Variants in GRIK4 observed in about 807,000 individuals in gnomAD.
GRIK4 encodes glutamate receptor ionotropic, kainate 4.
In GRIK4, 40 loss-of-function variants were observed where a neutral mutation model predicts 104.9. The observed-to-expected ratio is 0.38, with a 90% CI of 0.30 to 0.50. The LOEUF (loss-of-function observed/expected upper bound fraction) is 0.50. Ranked by LOEUF, GRIK4 falls within the 20% of genes least tolerant of loss-of-function variation. GRIK4 has a pLI of 0.93. For synonymous variants in GRIK4, 485 were observed against 524.9 expected (o/e 0.92, Z 1.04); for missense variants, 1,047 against 1,308.1 (o/e 0.80, Z 3.08).
At chr11:120,926,581 T>C (rs906321041) in intron 13 of GRIK4, among the ~76,000 whole-genome samples, 1 of 152,224 alleles carries the variant, frequency 6.6e-6, no homozygotes, top group African/African-American at 2.4e-5. Flanking sequence ...GAGCTGGCCC[T>C]AGAGGGTGTA....
intron 8 of GRIK4, among the ~76,000 whole-genome samples, chr11:120,854,318 G>GGGGGTTAACAGT (rs1459561251): frequency 6.6e-6 from 1 of 152,194 alleles, no homozygotes; most frequent in Non-Finnish European, 1.5e-5. Flanking sequence ...CCACTGTTAA[G>GGGGGTTAACAGT]GGGGTTAAGG....
chr11:120,674,963 C>A (rs906571751), intron 3 of GRIK4, among the ~76,000 whole-genome samples: 1 of 152,204 alleles, frequency 6.6e-6, no homozygotes, highest in African/African-American at 2.4e-5. Context: ...TTTCCTTGCA[C>A]CTCCTGGAGC....
At chr11:120,533,108 C>T (rs905642328) in intron 1 of GRIK4, among the ~76,000 whole-genome samples, 2 of 152,238 alleles carry the variant, frequency 1.3e-5, no homozygotes, top group African/African-American at 4.8e-5. Context: ...GCATGGAAGG[C>T]TTCCTGGAGG....
At chr11:120,906,640 C>A (rs959335362) in intron 13 of GRIK4, among the ~76,000 whole-genome samples, 1 of 152,194 alleles carries the variant, frequency 6.6e-6, no homozygotes, top group Non-Finnish European at 1.5e-5. Context: ...AAATCCTACT[C>A]TTCAATGATA....
chr11:120,984,802 T>C (rs1944712100), intron 20 of GRIK4, among the ~76,000 whole-genome samples: 1 of 134,842 alleles, frequency 7.4e-6, no homozygotes, highest in Non-Finnish European at 1.6e-5. Context: ...CAAACAAAAA[T>C]GCAGGCCCAT....
chr11:120,571,781 C>T (rs1398771782), intron 1 of GRIK4, among the ~76,000 whole-genome samples: 1 of 152,112 alleles, frequency 6.6e-6, no homozygotes, highest in East Asian at 1.9e-4. Context: ...GCCTGGGTTG[C>T]CAGGACAGAA....
intron 16 of GRIK4, among the ~76,000 whole-genome samples, chr11:120,959,916 T>C (rs688893): frequency 0.16 from 24,677 of 152,174 alleles, 2,405 homozygotes; most frequent in East Asian, 0.33. Context: ...ATAATCCCAG[T>C]ACCTGGGGAG....
At chr11:120,945,568 A>G (rs471403) in intron 14 of GRIK4, among the ~76,000 whole-genome samples, 136,742 of 152,170 alleles carry the variant, frequency 0.9, 62,116 homozygotes, top group East Asian at 1. Flanking sequence ...TCCTGATTGG[A>G]CAGTACTGAG....
At chr11:120,527,142 C>T (rs934443587) in intron 1 of GRIK4, among the ~76,000 whole-genome samples, 2 of 152,238 alleles carry the variant, frequency 1.3e-5, no homozygotes, top group Non-Finnish European at 2.9e-5. Context: ...CTGGAGGATG[C>T]AAAGGCAGGT....
intron 3 of GRIK4, among the ~76,000 whole-genome samples, chr11:120,731,114 G>A (rs1951119644): frequency 6.6e-6 from 1 of 152,112 alleles, no homozygotes; most frequent in Admixed American, 6.6e-5. Flanking sequence ...AATAAAAGTG[G>A]GGATGGTGGG....
intron 19 of GRIK4, among the ~76,000 whole-genome samples, chr11:120,980,539 G>A (rs1006297387): frequency 1.3e-5 from 2 of 152,174 alleles, no homozygotes; most frequent in Admixed American, 6.5e-5. Flanking sequence ...AGGTGTTAAC[G>A]TAAGATGTGG....
intron 1 of GRIK4, among the ~76,000 whole-genome samples, chr11:120,626,718 G>A (rs369216647): frequency 9.9e-5 from 15 of 152,246 alleles, no homozygotes; most frequent in African/African-American, 3.6e-4. Context: ...CAAGGACTCC[G>A]CAGCTGCTGT....
chr11:120,727,618 G>GA (rs1312081598), intron 3 of GRIK4, among the ~76,000 whole-genome samples: 1 of 151,498 alleles, frequency 6.6e-6, no homozygotes, highest in Non-Finnish European at 1.5e-5. Context: ...CAGAAAAGCA[G>GA]AAAAAAATAA....
chr11:120,593,593 C>T (rs997579753), intron 1 of GRIK4, among the ~76,000 whole-genome samples: 2 of 152,112 alleles, frequency 1.3e-5, no homozygotes, highest in Admixed American at 6.6e-5. Flanking sequence ...CCTTGCCCCC[C>T]ACTTCTCTAA....
chr11:120,889,589 A>ATTTTTTTTTTTTTTT (rs369264259), intron 11 of GRIK4, among the ~76,000 whole-genome samples: 8 of 62,496 alleles, frequency 1.3e-4, no homozygotes, highest in African/African-American at 4.1e-4. Context: ...AAGAGCTTAC[A>ATTTTTTTTTTTTTTT]TTTTTTTTTT....
intron 1 of GRIK4, among the ~76,000 whole-genome samples, chr11:120,539,188 T>A (rs1333188932): frequency 6.6e-6 from 1 of 152,164 alleles, no homozygotes; most frequent in East Asian, 1.9e-4. Context: ...GAGGACAGCC[T>A]CTTTGGTGAT....
At chr11:120,911,771 G>T (rs1943002729) in intron 13 of GRIK4, among the ~76,000 whole-genome samples, 2 of 150,346 alleles carry the variant, frequency 1.3e-5, no homozygotes, top group Admixed American at 6.6e-5. Flanking sequence ...GAACCTGGGA[G>T]GTGGAGGTTG....
chr11:120,737,530 A>G (rs1472261175), intron 3 of GRIK4, among the ~76,000 whole-genome samples: 1 of 152,222 alleles, frequency 6.6e-6, no homozygotes, highest in Non-Finnish European at 1.5e-5. Context: ...TGCAGGCCAC[A>G]GAATCCAGAC....
chr11:120,878,948 G>A (rs1954890480), intron 11 of GRIK4, among the ~76,000 whole-genome samples: 1 of 152,132 alleles, frequency 6.6e-6, no homozygotes, highest in Admixed American at 6.5e-5. Context: ...AAGTGACAAG[G>A]AACAGGGGAA....
Sources: allele counts gnomAD v4.1 joint callset (sites outside exome capture counted in the v4.1 genomes callset), GRCh38; gene constraint gnomAD v4.1.1; transcripts MANE v1.5; gene names NCBI Gene and HGNC (gene_info 2026-07-23, HGNC 2026-07-21).